Variants in SNAP47 observed in about 807,000 individuals in gnomAD.
SNAP47 encodes synaptosomal-associated protein 47.
A neutral mutation model predicts 31.4 loss-of-function variants in SNAP47; 20 were observed. The observed-to-expected ratio is 0.64, with a 90% confidence interval of 0.45 to 0.93. The LOEUF (loss-of-function observed/expected upper bound fraction) is 0.93. Ranked by LOEUF, SNAP47 falls within the 40% of genes least tolerant of loss-of-function variation. SNAP47 has a pLI of 0.00. For missense variants in SNAP47, 492 were observed against 528.5 expected (o/e 0.93, Z 0.68); for synonymous variants, 194 against 213.4 (o/e 0.91, Z 0.79).
At chr1:227,738,556 T>G (rs2097088405) in intron 1 of SNAP47, among the ~76,000 whole-genome samples, 1 of 152,244 alleles carries the variant, frequency 6.6e-6, no homozygotes, top group Non-Finnish European at 1.5e-5. Context: ...GCTTTTAGTC[T>G]TTTGTTTTTT....
upstream of SNAP47, chr1:227,733,384 T>G: frequency 6.4e-7 from 1 of 1,559,542 alleles, no homozygotes; most frequent in Non-Finnish European, 8.7e-7. Context: ...GGAAGGCCCC[T>G]GATAGGGGGC....
chr1:227,765,229 C>T (rs1663316182), intron 3 of SNAP47, among the ~76,000 whole-genome samples: 1 of 152,190 alleles, frequency 6.6e-6, no homozygotes. Flanking sequence ...ACTACGAGAG[C>T]CTTGGGCAGG....
intron 1 of SNAP47, chr1:227,744,071 C>T (rs1042770191): frequency 1.3e-5 from 2 of 152,270 alleles, no homozygotes; most frequent in African/African-American, 4.8e-5. Flanking sequence ...TATGTCATCT[C>T]TGTCACTTAC....
chr1:227,754,500 T>G (rs1662574630), intron 2 of SNAP47, among the ~76,000 whole-genome samples: 1 of 152,190 alleles, frequency 6.6e-6, no homozygotes, highest in South Asian at 2.1e-4. Context: ...CTACCCAGCA[T>G]TTCCCTTCCC....
intron 2 of SNAP47, among the ~76,000 whole-genome samples, chr1:227,749,906 G>A (rs1181618783): frequency 6.6e-6 from 1 of 152,212 alleles, no homozygotes; most frequent in African/African-American, 2.4e-5. Flanking sequence ...TTCTTGAAAA[G>A]TCATTTTGAA....
At chr1:227,769,861 A>G (rs1480057653) in intron 4 of SNAP47, among the ~76,000 whole-genome samples, 1 of 152,224 alleles carries the variant, frequency 6.6e-6, no homozygotes, top group Non-Finnish European at 1.5e-5. Flanking sequence ...GGTCTAGGGC[A>G]GTTCCCTGGG....
intron 4 of SNAP47, among the ~76,000 whole-genome samples, chr1:227,774,298 G>C (rs1558215947): frequency 6.6e-6 from 1 of 152,236 alleles, no homozygotes; most frequent in African/African-American, 2.4e-5. Flanking sequence ...CTTTAAATGT[G>C]GTCAGCAGGT....
chr1:227,743,265 G>C (rs1661738205), intron 1 of SNAP47, among the ~76,000 whole-genome samples: 1 of 152,190 alleles, frequency 6.6e-6, no homozygotes, highest in African/African-American at 2.4e-5. Context: ...GCCTTGGTGT[G>C]TGCTGCAAAC....
chr1:227,775,637 G>GC (rs1664113088), intron 4 of SNAP47, among the ~76,000 whole-genome samples: 1 of 152,232 alleles, frequency 6.6e-6, no homozygotes. Context: ...CCAGCACTCA[G>GC]CCTTGCCCTA....
chr1:227,760,623 C>T (rs1159910759), intron 3 of SNAP47, among the ~76,000 whole-genome samples: 3 of 152,210 alleles, frequency 2.0e-5, no homozygotes, highest in Non-Finnish European at 4.4e-5. Flanking sequence ...TGGTCCTGCC[C>T]GTCTGATGGG....
At chr1:227,750,458 G>A (rs1464047956) in intron 2 of SNAP47, among the ~76,000 whole-genome samples, 3 of 152,230 alleles carry the variant, frequency 2.0e-5, no homozygotes, top group South Asian at 4.1e-4. Context: ...AGTGCTTGAC[G>A]ACTGGGCCTT....
At chr1:227,764,392 G>C (rs2102968199) in intron 3 of SNAP47, among the ~76,000 whole-genome samples, 1 of 152,294 alleles carries the variant, frequency 6.6e-6, no homozygotes, top group East Asian at 1.9e-4. Flanking sequence ...TTCCAGAACG[G>C]CCTGAGTGTC....
chr1:227,779,222 CT>C (rs1391329463), intron 4 of SNAP47, among the ~76,000 whole-genome samples: 2 of 152,214 alleles, frequency 1.3e-5, no homozygotes, highest in African/African-American at 4.8e-5. Context: ...CGCCTTCATA[CT>C]GTTTCTCATG....
intron 2 of SNAP47, among the ~76,000 whole-genome samples, chr1:227,751,743 GGTTTTTTTTTTTTTTT>G (rs1662370177): frequency 1.8e-5 from 2 of 110,528 alleles, no homozygotes; most frequent in African/African-American, 6.6e-5. Context: ...ATAAAGACTT[GGTTTTTTTTTTTTTTT>G]TTTTTTTTTT....
At chr1:227,776,259 A>G (rs1380001551) in intron 4 of SNAP47, 3 of 1,037,668 alleles carry the variant, frequency 2.9e-6, no homozygotes, top group African/African-American at 3.3e-5. Context: ...GCTCGCAGGC[A>G]TGCCCCAGGG....
At chr1:227,734,884 G>A (rs1046687846), upstream of SNAP47, 12 of 1,590,126 alleles carry the variant, frequency 7.5e-6, no homozygotes, top group Admixed American at 3.4e-5. Context: ...GTCTGCAGAG[G>A]AACTCTCCAG....
At chr1:227,778,606 A>G (rs1002608400) in intron 4 of SNAP47, among the ~76,000 whole-genome samples, 6 of 152,152 alleles carry the variant, frequency 3.9e-5, no homozygotes, top group Non-Finnish European at 7.4e-5. Flanking sequence ...GGTTCCAGCA[A>G]TGCCCTCAGG....
rs1280981473 is a variant in SNAP47 at position 227,741,664 on chromosome 1, G to T, written c.-45-6028G>T. Among the ~76,000 whole-genome samples, 1 of 152,138 alleles carries T rather than the reference G, an allele frequency of 6.6e-6. No homozygotes were observed. Among genetic ancestry groups the T allele is most frequent in the African/African-American group, 2.4e-5 (1 of 41,416 alleles). ...GCCCCGGGAGGAGGGTCTGGCCTTGGAGGTGAAAAGGGACCACGTTCTCCT... is the reference window on the plus strand; with the variant it reads ...GCCCCGGGAGGAGGGTCTGGCCTTGTAGGTGAAAAGGGACCACGTTCTCCT... On this transcript the variant is annotated intron_variant, in intron 1 of 4. Transcript: ENST00000617596. The surrounding 1 kb of genome is among the most constrained non-coding windows in gnomAD (Gnocchi z 4.2).
At chr1:227,765,373 A>T (rs1280040006) in intron 3 of SNAP47, among the ~76,000 whole-genome samples, 1 of 152,094 alleles carries the variant, frequency 6.6e-6, no homozygotes. Context: ...CTGTGATCTC[A>T]GGTCACCAGA....
Sources: allele counts gnomAD v4.1 joint callset (sites outside exome capture counted in the v4.1 genomes callset), GRCh38; gene constraint gnomAD v4.1.1; non-coding constraint Gnocchi (gnomAD v3.1); transcripts MANE v1.5; gene names NCBI Gene and HGNC (gene_info 2026-07-23, HGNC 2026-07-21).